FILIP1L: variants seen among roughly 807,000 people sequenced by gnomAD.
The protein encoded by FILIP1L is filamin A-interacting protein 1-like.
A neutral mutation model predicts 96.6 loss-of-function variants in FILIP1L; 55 were observed. The observed-to-expected ratio is 0.57, with a 90% CI of 0.46 to 0.71. FILIP1L has a LOEUF of 0.71. FILIP1L is among the 30% of genes least tolerant of loss of function. The pLI, the probability that FILIP1L is intolerant of heterozygous loss-of-function variation, is 0.00. For missense variants in FILIP1L, 1,304 were observed against 1,321.2 expected (o/e 0.99, Z 0.20); for synonymous variants, 467 against 473.9 (o/e 0.99, Z 0.19).
chr3:99,852,948 AGGCT>A (rs1170649781), intron 4 of FILIP1L, among the ~76,000 whole-genome samples: 3 of 152,162 alleles, frequency 2.0e-5, no homozygotes, highest in African/African-American at 7.2e-5. Context: ...ACTTAACAGG[AGGCT>A]GGCCCAAGGG....
chr3:100,112,367 ACT>A (rs1218296183), intron 1 of FILIP1L, among the ~76,000 whole-genome samples: 1 of 152,058 alleles, frequency 6.6e-6, no homozygotes, highest in Non-Finnish European at 1.5e-5. Context: ...GACCTGCCTG[ACT>A]CTCGGCAAGT....
Position 99,889,930 on chromosome 3 carries a change from C to G in FILIP1L, c.605+34300G>C, listed in dbSNP as rs537418501. Among the ~76,000 whole-genome samples the G allele has an allele frequency of 2.6e-5, 4 of 152,030 alleles. No individual in the cohort carries two copies. In the East Asian group the frequency reaches 7.7e-4, roughly 29 times the overall value. On this transcript the variant is annotated intron_variant, in intron 4 of 5. Coordinates refer to ENST00000477258, the MANE Select transcript of FILIP1L (RefSeq NM_001387850.1). ...TAGGACATTATAATCTATTATTGTT[C>G]TATTAGGCAATTATTGGTTTAGATA...
intron 1 of FILIP1L, among the ~76,000 whole-genome samples, chr3:100,075,027 C>T (rs1297556489): frequency 6.6e-6 from 1 of 151,644 alleles, no homozygotes; most frequent in Non-Finnish European, 1.5e-5. Flanking sequence ...TTTTTATAAA[C>T]CTTTGTTTGT....
intron 1 of FILIP1L, among the ~76,000 whole-genome samples, chr3:99,994,859 A>G (rs1340783588): frequency 6.6e-6 from 1 of 152,216 alleles, no homozygotes; most frequent in Non-Finnish European, 1.5e-5. Context: ...CGAGAACAGT[A>G]TGGGAGAAAC....
intron 1 of FILIP1L, among the ~76,000 whole-genome samples, chr3:99,934,849 T>G (rs1433390171): frequency 6.6e-6 from 1 of 152,244 alleles, no homozygotes; most frequent in African/African-American, 2.4e-5. Context: ...TGTTTGTTAT[T>G]CTTCTAAAGA....
In FILIP1L at chr3:99,829,389, G is replaced by A. The variant is rs372999821; in HGVS notation, c.*1025C>T. On this transcript the variant is annotated 3_prime_UTR_variant, in exon 6 of 6. Transcript: ENST00000477258. ...GAGAGAGTTTTCAGTGTGATGTAAA[G>A]AATTGCTTTAGCTTTCTGCCAGGGG... is the stretch of plus-strand genomic sequence containing the variant. Among the ~76,000 whole-genome samples the A allele has an allele frequency of 3.9e-5, 6 of 152,182 alleles. No individual in the cohort carries two copies. The highest frequency in any genetic ancestry group is 1.4e-4 in the African/African-American group (6 of 41,456).
At chr3:100,009,771 CTT>C (rs1710091251) in intron 1 of FILIP1L, among the ~76,000 whole-genome samples, 1 of 152,212 alleles carries the variant, frequency 6.6e-6, no homozygotes, top group Non-Finnish European at 1.5e-5. Flanking sequence ...TTGTCTCTCT[CTT>C]AGTAACCAGA....
At chr3:99,838,957 C>T (rs1344555732) in intron 5 of FILIP1L, among the ~76,000 whole-genome samples, 2 of 152,144 alleles carry the variant, frequency 1.3e-5, no homozygotes, top group African/African-American at 4.8e-5. Flanking sequence ...GCCCTTTAAG[C>T]CTTACCCTGC....
chr3:100,081,526 C>G (rs1263140274), intron 1 of FILIP1L, among the ~76,000 whole-genome samples: 1 of 152,128 alleles, frequency 6.6e-6, no homozygotes, highest in Admixed American at 6.5e-5. Context: ...GTGGATAGCT[C>G]AGGGATTAAC....
chr3:100,054,592 C>T (rs1032402808), intron 1 of FILIP1L, among the ~76,000 whole-genome samples: 3 of 152,108 alleles, frequency 2.0e-5, no homozygotes, highest in Non-Finnish European at 2.9e-5. Flanking sequence ...GAACTATCCA[C>T]TCCTGGCCCA....
At chr3:99,983,393 T>C (rs868687922) in intron 1 of FILIP1L, among the ~76,000 whole-genome samples, 4 of 87,058 alleles carry the variant, frequency 4.6e-5, no homozygotes, top group Non-Finnish European at 6.5e-5. Flanking sequence ...TAAATAAATA[T>C]ATATATATAT....
At chr3:99,887,075 C>T (rs553296866) in intron 4 of FILIP1L, among the ~76,000 whole-genome samples, 160 of 151,574 alleles carry the variant, frequency 1.1e-3, no homozygotes, top group Non-Finnish European at 2.0e-3. Context: ...AGTTTGAGAC[C>T]AGCCTGACCA....
At chr3:99,927,275 A>G (rs1707323258) in intron 3 of FILIP1L, among the ~76,000 whole-genome samples, 1 of 152,258 alleles carries the variant, frequency 6.6e-6, no homozygotes, top group Admixed American at 6.5e-5. Flanking sequence ...TGCTTAAGGT[A>G]AGTATTTTAA....
chr3:99,959,809 T>A (rs1333579547), intron 1 of FILIP1L, among the ~76,000 whole-genome samples: 1 of 152,218 alleles, frequency 6.6e-6, no homozygotes, highest in East Asian at 1.9e-4. Context: ...TGTACTAATG[T>A]AATTTTTTTA....
chr3:100,064,760 C>T (rs1324842029), intron 1 of FILIP1L, among the ~76,000 whole-genome samples: 1 of 152,154 alleles, frequency 6.6e-6, no homozygotes, highest in African/African-American at 2.4e-5. Context: ...TAATAAGTTC[C>T]GTGTTGCTGT....
At position 99,957,566 on chromosome 3, in the gene FILIP1L, G is replaced by A. The variant is rs151322851; in HGVS notation, c.-10-26536C>T. 2.1e-3 allele frequency among the ~76,000 whole-genome samples: 321 copies of A among 151,860 alleles called. 1 individual carries two copies. The highest frequency in any genetic ancestry group is 4.3e-3 in the Admixed American group (65 of 15,260). ...TGCTCTTAATCACTTCTTTAATACC[G>A]TAAACAGTTGGAATTTTCACCCTCT... On this transcript the variant is annotated intron_variant, in intron 1 of 5. Transcript: ENST00000477258.
intron 1 of FILIP1L, among the ~76,000 whole-genome samples, chr3:99,950,162 T>C (rs1287616461): frequency 1.3e-5 from 2 of 152,208 alleles, no homozygotes; most frequent in African/African-American, 4.8e-5. Flanking sequence ...ACTGTAACTG[T>C]AGATAGGACT....
At chr3:99,949,515 G>A (rs1316306346) in intron 1 of FILIP1L, among the ~76,000 whole-genome samples, 2 of 152,106 alleles carry the variant, frequency 1.3e-5, no homozygotes, top group African/African-American at 4.8e-5. Flanking sequence ...AATTTTACTC[G>A]CAGTACGTTT....
At chr3:99,935,227 T>G (rs1707623632) in intron 1 of FILIP1L, among the ~76,000 whole-genome samples, 1 of 151,150 alleles carries the variant, frequency 6.6e-6, no homozygotes, top group South Asian at 2.1e-4. Context: ...AAAGAAAAAT[T>G]TTGTAATAGC....
Sources: allele counts gnomAD v4.1 joint callset (sites outside exome capture counted in the v4.1 genomes callset), GRCh38; gene constraint gnomAD v4.1.1; transcripts MANE v1.5; gene names NCBI Gene and HGNC (gene_info 2026-07-23, HGNC 2026-07-21).